AXIN1: variants seen among roughly 807,000 people sequenced by gnomAD.
AXIN1 encodes the protein axin-1.
In AXIN1, 30 loss-of-function variants were observed where a neutral mutation model predicts 76.4. The ratio of observed to expected loss-of-function variants is 0.39; its 90% CI spans 0.29 to 0.53. The LOEUF (loss-of-function observed/expected upper bound fraction) is 0.53. Ranked by LOEUF, AXIN1 falls within the 20% of genes least tolerant of loss-of-function variation. The pLI is 0.66. For missense variants in AXIN1, 1,140 were observed against 1,198.8 expected (o/e 0.95, Z 0.72); for synonymous variants, 545 against 501.4 (o/e 1.09, Z -1.16).
At chr16:310,631 T>G (rs1446300991) in intron 3 of AXIN1, among the ~76,000 whole-genome samples, 1 of 152,190 alleles carries the variant, frequency 6.6e-6, no homozygotes, top group African/African-American at 2.4e-5. Context: ...TCTCCTGACC[T>G]CGTGATCCGC....
At chr16:321,589 T>C (rs4984665) in intron 2 of AXIN1, among the ~76,000 whole-genome samples, 235 of 152,202 alleles carry the variant, frequency 1.5e-3, no homozygotes, top group African/African-American at 4.4e-3. Context: ...AGGTAGAAGG[T>C]GGATTCCAAC....
At chr16:309,895 C>A in intron 4 of AXIN1, 78 bp downstream of exon 4, 2 of 1,461,140 alleles carry the variant, frequency 1.4e-6, no homozygotes, top group Non-Finnish European at 9.5e-7. Context: ...AGGCAAGTGC[C>A]TTTCCCGCGG....
chr16:330,506 A>C (rs1419263523), intron 2 of AXIN1, among the ~76,000 whole-genome samples: 5 of 152,242 alleles, frequency 3.3e-5, no homozygotes, highest in African/African-American at 1.2e-4. Context: ...AGTGCTCAGC[A>C]CAATCAGTTA....
intron 2 of AXIN1, among the ~76,000 whole-genome samples, chr16:338,795 C>G (rs1207173969): frequency 6.6e-6 from 1 of 152,140 alleles, no homozygotes; most frequent in Non-Finnish European, 1.5e-5. Context: ...TGGGGGCATG[C>G]ACCTGTAATC....
At chr16:320,741 A>ATT (rs1303646861) in intron 2 of AXIN1, among the ~76,000 whole-genome samples, 155 of 92,046 alleles carry the variant, frequency 1.7e-3, no homozygotes, top group South Asian at 0.012. Context: ...ATATATATAT[A>ATT]TATTTTTTTT....
intron 6 of AXIN1, 87 bp from the exon 7 acceptor site, chr16:297,313 C>T: frequency 2.6e-6 from 4 of 1,560,334 alleles, no homozygotes; most frequent in Non-Finnish European, 3.5e-6. Flanking sequence ...CTCCTGGCAT[C>T]TGTAAGGCTC....
chr16:288,657 T>TG (rs2052460581), intron 10 of AXIN1, among the ~76,000 whole-genome samples: 1 of 152,114 alleles, frequency 6.6e-6, no homozygotes, highest in Non-Finnish European at 1.5e-5. Flanking sequence ...TTGTGGACGG[T>TG]GGGAACCACC....
Position 287,650 on chromosome 16 carries a change from C to G in AXIN1, c.*472G>C, listed in dbSNP as rs2052417901. 3.1e-6 allele frequency: 1 copy of G among 318,390 alleles called. No homozygotes were observed. The highest frequency in any genetic ancestry group is 5.3e-5 in the South Asian group (1 of 18,702). 19.7% of individuals were successfully genotyped at this position (318,390 alleles called of 1,614,324 possible). A position where few individuals can be genotyped will look rare whatever the true frequency, so the allele number is the denominator to read the frequency against. ...CAGGTGCAGTGCTCCGTCGCCGATTCACACAGTGGCAGGCAAGAGACAAGC... is the reference window on the plus strand; with the variant it reads ...CAGGTGCAGTGCTCCGTCGCCGATTGACACAGTGGCAGGCAAGAGACAAGC... On this transcript the variant is annotated 3_prime_UTR_variant, in exon 11 of 11. Transcript: ENST00000262320.
intron 5 of AXIN1, among the ~76,000 whole-genome samples, chr16:302,345 C>A (rs977639853): frequency 2.6e-5 from 4 of 152,244 alleles, no homozygotes; most frequent in Non-Finnish European, 5.9e-5. Flanking sequence ...ATGAGGGTCA[C>A]CCTCAGACCA....
chr16:293,498 A>T lies in AXIN1; in HGVS notation c.2176T>A (p.Ser726Thr). ...ACGACGCGGCCGTACCTCTGCTTGG[A>T]GGGTGCTCGGCTGGCTCTCTTTTCT... ...EEEKRASRAP[S>T]KQRYVQEVMR... Residue 726 changes from serine (S) to threonine (T), a missense_variant, in exon 8 of 11, where the codon TCC (serine) becomes ACC (threonine). By Grantham distance (58) the Ser-to-Thr change is moderately conservative. Transcript: ENST00000262320. This position sits in a 1 kb window ranked among gnomAD's most constrained non-coding sequence, Gnocchi z 4.6. The T allele has an allele frequency of 6.2e-7, 1 of 1,609,244 alleles. No homozygotes were observed. Among genetic ancestry groups the T allele is most frequent in the Non-Finnish European group, 8.5e-7 (1 of 1,179,858 alleles).
chr16:288,441 A>G, intron 10 of AXIN1, 193 bp from the exon 11 acceptor site: 1 of 806,254 alleles, frequency 1.2e-6, no homozygotes, highest in Admixed American at 2.2e-5. Flanking sequence ...TGAAGTGGGC[A>G]GCCATGGGGG....
intron 1 of AXIN1, among the ~76,000 whole-genome samples, chr16:349,729 C>A (rs1254031157): frequency 6.6e-6 from 1 of 152,236 alleles, no homozygotes; most frequent in Non-Finnish European, 1.5e-5. Flanking sequence ...CACTGGCTCT[C>A]TACAGGGGCT....
chr16:289,432 ACACT>A lies in AXIN1; in HGVS notation c.2462+4_2462+7del. ...GCGGGGAGGGGGCACCCCAGCCCTC[ACACT>A]CACCTGTAGCTGCCCTTTTTGGTCA... On this transcript the variant is annotated splice_donor_5th_base_variant and intron_variant, in intron 10 of 10. Coordinates refer to ENST00000262320, the MANE Select transcript of AXIN1 (RefSeq NM_003502.4). The A allele has an allele frequency of 6.2e-7, 1 of 1,612,742 alleles. No individual in the cohort carries two copies. Among genetic ancestry groups the A allele is most frequent in the Non-Finnish European group, 8.5e-7 (1 of 1,179,964 alleles).
At chr16:288,532 G>C (rs372536024) in intron 10 of AXIN1, among the ~76,000 whole-genome samples, 3 of 152,218 alleles carry the variant, frequency 2.0e-5, no homozygotes, top group Admixed American at 1.3e-4. Context: ...CAGGGGGGAA[G>C]TGGACGGGTG....
intron 5 of AXIN1, among the ~76,000 whole-genome samples, chr16:301,545 C>T (rs2052873257): frequency 1.3e-5 from 2 of 152,174 alleles, no homozygotes; most frequent in African/African-American, 2.4e-5. Context: ...AATCCCAGCA[C>T]TTCGGGAAGC....
Position 330,137 on chromosome 16 carries a change from T to A in AXIN1, c.879-15454A>T, listed in dbSNP as rs2053665292. Among the ~76,000 whole-genome samples, 3 of 150,282 alleles carry A rather than the reference T, an allele frequency of 2.0e-5. No individual in the cohort carries two copies. The Admixed American group carries it at 2.0e-4, about 10-fold the overall frequency. On this transcript the variant is annotated intron_variant, in intron 2 of 10. Transcript: ENST00000262320. ...GAGCAGTGGCACATTCACAGCTCAC[T>A]GCAGCCTCAACCTCCCGGTCTCAGG...
intron 4 of AXIN1, among the ~76,000 whole-genome samples, chr16:309,196 G>A (rs374194057): frequency 2.0e-5 from 3 of 152,046 alleles, no homozygotes; most frequent in Non-Finnish European, 2.9e-5. Context: ...CGGGCGTGGT[G>A]GCAGGCGCCT....
intron 2 of AXIN1, among the ~76,000 whole-genome samples, chr16:326,051 T>C (rs920023290): frequency 3.3e-5 from 5 of 152,052 alleles, no homozygotes; most frequent in African/African-American, 1.2e-4. Context: ...TGCTGTCACT[T>C]ATATACTATA....
chr16:326,862 C>T (rs916735258), intron 2 of AXIN1, among the ~76,000 whole-genome samples: 33 of 151,910 alleles, frequency 2.2e-4, no homozygotes, highest in African/African-American at 5.3e-4. Flanking sequence ...CAGCACTGGC[C>T]GGGTGTGGTG....
Sources: gnomAD v4.1 joint callset for allele counts (sites outside exome capture counted in the v4.1 genomes callset) on GRCh38, gnomAD v4.1.1 for gene constraint, Gnocchi (gnomAD v3.1) non-coding constraint, MANE v1.5 for transcripts, NCBI Gene and HGNC (gene_info 2026-07-23, HGNC 2026-07-21) for gene names.